The following ITGB5 variants were observed in gnomAD, a reference collection of about 807,000 sequenced individuals.
ITGB5 encodes the protein integrin beta-5.
A neutral mutation model predicts 84.8 loss-of-function variants in ITGB5; 38 were observed. The ratio of observed to expected loss-of-function variants is 0.45; its 90% CI spans 0.35 to 0.59. The LOEUF (loss-of-function observed/expected upper bound fraction) is 0.59, where lower values mean the gene tolerates loss of function less well. ITGB5 is among the 20% of genes least tolerant of loss of function. ITGB5 has a pLI of 0.01. For synonymous variants in ITGB5, 393 were observed against 414.4 expected (o/e 0.95, Z 0.63); for missense variants, 905 against 1,034.5 (o/e 0.87, Z 1.72).
intron 4 of ITGB5, among the ~76,000 whole-genome samples, chr3:124,845,783 G>A (rs186341840): frequency 6.6e-6 from 1 of 152,302 alleles, no homozygotes; most frequent in East Asian, 1.9e-4. Flanking sequence ...TGGAGACAGG[G>A]CCCAATTAGG....
At chr3:124,771,391 G>GA (rs909163674) in intron 11 of ITGB5, among the ~76,000 whole-genome samples, 4 of 151,764 alleles carry the variant, frequency 2.6e-5, no homozygotes, top group East Asian at 1.9e-4. Flanking sequence ...CGTTTAAAAA[G>GA]AAAAAAAAGT....
At chr3:124,808,983 T>C in intron 9 of ITGB5, 39 bp downstream of exon 9, 1 of 1,601,340 alleles carries the variant, frequency 6.2e-7, no homozygotes, top group South Asian at 1.1e-5. Context: ...TGATGACCAA[T>C]GCTAACAAGA....
chr3:124,783,290 CAAA>C (rs758967509), intron 10 of ITGB5, among the ~76,000 whole-genome samples: 1,283 of 56,798 alleles, frequency 0.023, 11 homozygotes, highest in South Asian at 0.08. Context: ...GACTCCGTCT[CAAA>C]AAAAAAAAAA....
intron 6 of ITGB5, among the ~76,000 whole-genome samples, chr3:124,821,043 G>A (rs773034967): frequency 1.1e-4 from 16 of 152,148 alleles, no homozygotes; most frequent in Admixed American, 2.6e-4. Context: ...TGGGCCACCC[G>A]TATCCCAACC....
At chr3:124,787,115 G>A (rs766462384) in intron 10 of ITGB5, among the ~76,000 whole-genome samples, 3 of 151,862 alleles carry the variant, frequency 2.0e-5, no homozygotes, top group Non-Finnish European at 4.4e-5. Context: ...GCCAAACCTC[G>A]TGACCTTAAG....
intron 1 of ITGB5, among the ~76,000 whole-genome samples, chr3:124,881,110 A>G (rs1036160365): frequency 1.3e-5 from 2 of 151,530 alleles, no homozygotes; most frequent in African/African-American, 4.8e-5. Context: ...CAGCCTCCTG[A>G]GTAGCTGGGA....
chr3:124,769,089 G>A lies in ITGB5; in HGVS notation c.1941C>T (p.Leu647=). ...TKRDCVECLL[L]HSGKPDNQTC... is the part of the protein sequence containing the mutation. The stretch of plus-strand genomic sequence containing the variant: ...TCTGGTTGTCAGGTTTCCCAGAGTG[G>A]AGCAGCAGGCACTCGACGCAATCTC... The change falls in exon 12 of 15, where the codon CTC becomes CTT. Residue 647 remains leucine (L), a synonymous_variant. Coordinates refer to ENST00000296181, the MANE Select transcript of ITGB5 (RefSeq NM_002213.5). 1 of 1,614,038 alleles carries A rather than the reference G, an allele frequency of 6.2e-7. No individual in the cohort carries two copies. Among genetic ancestry groups the A allele is most frequent in the East Asian group, 2.2e-5 (1 of 44,874 alleles).
At chr3:124,785,845 C>T (rs1423945598) in intron 10 of ITGB5, among the ~76,000 whole-genome samples, 1 of 152,100 alleles carries the variant, frequency 6.6e-6, no homozygotes, top group African/African-American at 2.4e-5. Context: ...AAAATTTTGA[C>T]AGAGATAAAG....
Position 124,796,802 on chromosome 3 carries a change from A to T in ITGB5, c.1279T>A (p.Ser427Thr). Residue 427 changes from serine (S) to threonine (T), a missense_variant, in exon 10 of 15, where the codon TCA becomes ACA. By Grantham distance (58) the Ser-to-Thr change is moderately conservative. This residue lies in a region of ITGB5 where 656 missense variants were observed against 734.7 expected (regional missense o/e 0.89). Transcript: ENST00000296181. ...KIGDTASFEV[S>T]LEARSCPSRH... Reference sequence around the variant, plus strand: ...CTGGGACAGCTTCGGGCCTCCAATGATACTTCAAAAGATGCCTGGGCAGAA... The same window carrying T: ...CTGGGACAGCTTCGGGCCTCCAATGTTACTTCAAAAGATGCCTGGGCAGAA... 1 of 1,603,400 alleles carries T rather than the reference A, an allele frequency of 6.2e-7. No homozygotes were observed. Among genetic ancestry groups the T allele is most frequent in the Non-Finnish European group, 8.5e-7 (1 of 1,172,886 alleles).
Position 124,841,414 on chromosome 3 carries a change from A to G in ITGB5, c.749T>C (p.Phe250Ser), listed in dbSNP as rs1467512816. The G allele has an allele frequency of 6.2e-7, 1 of 1,614,172 alleles. No individual in the cohort carries two copies. Among genetic ancestry groups the G allele is most frequent in the Non-Finnish European group, 8.5e-7 (1 of 1,180,040 alleles). Residue 250 changes from phenylalanine (F) to serine (S), a missense_variant, in exon 5 of 15, where the codon TTT (phenylalanine) becomes TCT (serine). Phe to Ser is a radical substitution (Grantham distance 155). Transcript: ENST00000296181. ...SRNRDAPEGGFDAVLQAAVCK... is the reference protein window; with the variant it reads ...SRNRDAPEGGSDAVLQAAVCK... ...GACGGCTGCCTGGAGTACTGCATCA[A>G]AGCCCCCCTCAGGGGCATCTCGGTT...
Position 124,859,238 on chromosome 3 carries a change from T to TCACCGGG in ITGB5, c.358_361+3dup. 1 of 1,612,732 alleles carries TCACCGGG rather than the reference T, an allele frequency of 6.2e-7. No individual in the cohort carries two copies. The highest frequency in any genetic ancestry group is 8.5e-7 in the Non-Finnish European group (1 of 1,179,206). On this transcript the variant is annotated splice_donor_region_variant and intron_variant, in intron 3 of 14. Coordinates refer to ENST00000296181, the MANE Select transcript of ITGB5 (RefSeq NM_002213.5). The stretch of plus-strand genomic sequence containing the variant: ...GCATCCAGCCCTTTCTGTGGGCAAC[T>TCACCGGG]CACCGGGCCGGAGGTTCACGGCAAT...
upstream of ITGB5, chr3:124,887,515 G>C (rs1174256886): frequency 5.5e-6 from 1 of 181,740 alleles, no homozygotes; most frequent in East Asian, 1.7e-4. Context: ...GGCGAGCTCC[G>C]GGCCGGGCCA....
intron 3 of ITGB5, among the ~76,000 whole-genome samples, chr3:124,850,385 T>C (rs1273035949): frequency 6.6e-6 from 1 of 151,988 alleles, no homozygotes; most frequent in Non-Finnish European, 1.5e-5. Context: ...AGTACAGGCT[T>C]GCACGGATGA....
Position 124,877,892 on chromosome 3 carries a change from G to A in ITGB5, c.71-4361C>T, listed in dbSNP as rs143663309. 2.0e-4 allele frequency among the ~76,000 whole-genome samples: 31 copies of A among 152,272 alleles called. No individual in the cohort carries two copies. The East Asian group carries it at 4.2e-3, about 21-fold the overall frequency. On this transcript the variant is annotated intron_variant, in intron 1 of 14. Coordinates refer to ENST00000296181, the MANE Select transcript of ITGB5 (RefSeq NM_002213.5). ...AGAGTCTTGCTTTGTTGCCCAAGCT[G>A]GACTGCAGGGGCATGATCTTGGCTC...
chr3:124,766,433 A>G (rs990524876), intron 12 of ITGB5, 88 bp from the exon 13 acceptor site: 48 of 1,517,114 alleles, frequency 3.2e-5, no homozygotes, highest in Non-Finnish European at 4.0e-5. Flanking sequence ...AGTGCCTTGA[A>G]AAAGGAAAGG....
At chr3:124,872,584 A>G (rs1458143141) in intron 2 of ITGB5, among the ~76,000 whole-genome samples, 1 of 152,238 alleles carries the variant, frequency 6.6e-6, no homozygotes, top group Non-Finnish European at 1.5e-5. Context: ...ACTGCATTGC[A>G]GACTGAGCCA....
intron 2 of ITGB5, among the ~76,000 whole-genome samples, chr3:124,868,133 C>T (rs528398546): frequency 5.3e-5 from 8 of 152,272 alleles, no homozygotes; most frequent in East Asian, 3.9e-4. Flanking sequence ...CCTTCCACCA[C>T]GGTTGTAAGT....
chr3:124,766,268 G>C lies in ITGB5; in HGVS notation c.2095C>G (p.Leu699Val), dbSNP rs2063766274. The stretch of plus-strand genomic sequence containing the variant: ...GTCAGGTTGGACTTCCCACTGGGGA[G>C]CTCCACATAGGTGAACATCATGACG... ...DCVMMFTYVE[L>V]PSGKSNLTVL... Residue 699 changes from leucine to valine, a missense_variant, in exon 13 of 15, where the codon CTC becomes GTC. Leu to Val is a conservative substitution (Grantham distance 32). Around this residue, in one of 3 missense-constraint regions of ITGB5, gnomAD observed 116 missense variants for 177.0 expected, o/e 0.66. Transcript: ENST00000296181. 6.2e-7 allele frequency: 1 copy of C among 1,614,088 alleles called. No individual in the cohort carries two copies. The highest frequency in any genetic ancestry group is 8.5e-7 in the Non-Finnish European group (1 of 1,179,982).
intron 1 of ITGB5, 105 bp from the exon 2 acceptor site, chr3:124,873,636 C>T: frequency 1.1e-6 from 1 of 873,872 alleles, no homozygotes; most frequent in Non-Finnish European, 2.0e-6. Context: ...GGAGGCCTCT[C>T]TGAGTCTAAA....
Sources: allele counts gnomAD v4.1 joint callset (sites outside exome capture counted in the v4.1 genomes callset), GRCh38; gene constraint gnomAD v4.1.1; regional missense constraint gnomAD v4.1.1; transcripts MANE v1.5; gene names NCBI Gene and HGNC (gene_info 2026-07-23, HGNC 2026-07-21).